Variants in TEF observed in about 807,000 individuals in gnomAD.
TEF encodes thyrotroph embryonic factor.
In TEF, 3 loss-of-function variants were observed where a neutral mutation model predicts 20.8. That is an observed-to-expected ratio of 0.14 (90% confidence interval 0.07 to 0.37). The LOEUF is 0.37. TEF is among the 10% of genes least tolerant of loss of function. The pLI is 1.00. For missense variants in TEF, 296 were observed against 397.9 expected, an observed-to-expected ratio of 0.74 and a Z score of 2.18; for synonymous variants, 180 against 171.1, an observed-to-expected ratio of 1.05 and a Z score of -0.41.
rs1022821122 is a variant in TEF at position 41,396,923 on chromosome 22, T to A, written c.*963T>A. The A allele has an allele frequency of 1.5e-5, 6 of 398,590 alleles. No individual in the cohort carries two copies. The highest frequency in any genetic ancestry group is 2.7e-5 in the Non-Finnish European group (6 of 226,094). The allele number at this position is 398,590 out of a possible 1,614,324, so 24.7% of individuals were successfully genotyped here. ...TTCCTAGTGGTGTTTAGAAAATGCC[T>A]CCACAGCCCCCTTCCACCATGGGCA... On this transcript the variant is annotated 3_prime_UTR_variant, in exon 4 of 4. Transcript: ENST00000266304.
rs150474885 is a variant in TEF at position 41,374,388 on chromosome 22, A to C, written c.67+6789A>C. Among the ~76,000 whole-genome samples the C allele has an allele frequency of 8.3e-3, 1,259 of 152,120 alleles. 13 individuals carry two copies. The highest frequency in any genetic ancestry group is 0.029 in the African/African-American group (1,195 of 41,502). ...ACATGGTGCAACCCTGTCTCTACTG[A>C]AAATACAAAAAAAATTAGCCGGGCG... On this transcript the variant is annotated intron_variant, in intron 1 of 3. Transcript: ENST00000406644.
intron 1 of TEF, among the ~76,000 whole-genome samples, chr22:41,382,693 G>A (rs931169214): frequency 6.6e-6 from 1 of 152,134 alleles, no homozygotes; most frequent in African/African-American, 2.4e-5. Context: ...ACCCCTCCCG[G>A]AGGGACCTGG....
Position 41,381,988 on chromosome 22 carries a change from GC to G in TEF, c.-54del, listed in dbSNP as rs1240857099. 3 of 1,228,890 alleles carry G rather than the reference GC, an allele frequency of 2.4e-6. No homozygotes were observed. Among genetic ancestry groups the G allele is most frequent in the Non-Finnish European group, 3.0e-6 (3 of 986,208 alleles). The allele number at this position is 1,228,890 out of a possible 1,614,324, so 76.1% of individuals were successfully genotyped here. On this transcript the variant is annotated 5_prime_UTR_variant, in exon 1 of 4. Transcript: ENST00000266304. The stretch of plus-strand genomic sequence containing the variant: ...AGCTGCAGCGGGTCGCACGGCTCCG[GC>G]CCATCTCGGGGGGCGGGCGGGGGAG...
At chr22:41,367,704 G>A (rs1601807289) in intron 1 of TEF, 11 of 1,172,020 alleles carry the variant, frequency 9.4e-6, no homozygotes, top group South Asian at 5.8e-5. Flanking sequence ...AGCCAGGGAG[G>A]GTCTCAGCAG....
In TEF at chr22:41,382,071, G is replaced by A; in HGVS notation, c.27G>A (p.Lys9=). 1 of 1,231,658 alleles carries A rather than the reference G, an allele frequency of 8.1e-7. No individual in the cohort carries two copies. The highest frequency in any genetic ancestry group is 1.0e-6 in the Non-Finnish European group (1 of 987,762). 76.3% of individuals were successfully genotyped at this position (1,231,658 alleles called of 1,614,324 possible). Residue 9 remains lysine, a synonymous_variant, in exon 1 of 4, where the codon AAG becomes AAA. Coordinates refer to ENST00000266304, the MANE Select transcript of TEF (RefSeq NM_003216.4). The stretch of plus-strand genomic sequence containing the variant: ...TGTCCGACGCGGGCGGCGGAAAGAA[G>A]CCGCCTGTGGACCCGCAGGCAGGAC... The part of the protein sequence containing the change: MSDAGGGK[K]PPVDPQAGPG...
In TEF at chr22:41,387,351, A is replaced by G. The variant is rs1601821569; in HGVS notation, c.158A>G (p.Asp53Gly). 3 of 1,613,928 alleles carry G rather than the reference A, an allele frequency of 1.9e-6. No individual in the cohort carries two copies. Among genetic ancestry groups the G allele is most frequent in the East Asian group, 2.2e-5 (1 of 44,898 alleles). ...TTCATCGCAGATTTTGTTTCTGCAG[A>G]TAAGGAAAAGGGGAAGGAAAAGCTG... ...MENPPREARL[D>G]KEKGKEKLEE... Residue 53 changes from aspartate to glycine, a missense_variant and splice_region_variant, in exon 2 of 4, where the codon GAT becomes GGT. This residue lies in a region of TEF where 102 missense variants were observed against 80.1 expected (regional missense o/e 1.27). Transcript: ENST00000266304.
At chr22:41,367,547 G>C (rs1403290388) in exon 1 of TEF, 6 of 1,551,346 alleles carry the variant, frequency 3.9e-6, no homozygotes, top group Non-Finnish European at 5.2e-6. Context: ...ACATGCCTGA[G>C]GTCCTCAAGT....
At chr22:41,370,404 C>T (rs991727805) in intron 1 of TEF, among the ~76,000 whole-genome samples, 2 of 138,166 alleles carry the variant, frequency 1.4e-5, no homozygotes, top group South Asian at 5.0e-4. Context: ...TAAACCACTG[C>T]GCCTGGCATT....
chr22:41,382,674 C>G (rs1473670185), intron 1 of TEF, among the ~76,000 whole-genome samples: 1 of 152,076 alleles, frequency 6.6e-6, no homozygotes. Context: ...TGTCATCGTA[C>G]GTGGCCTTAC....
At chr22:41,380,528 C>T (rs1159254659), upstream of TEF, among the ~76,000 whole-genome samples, 4 of 152,168 alleles carry the variant, frequency 2.6e-5, no homozygotes, top group Non-Finnish European at 5.9e-5. Context: ...CATCTACCCC[C>T]TGAACCAAGG....
chr22:41,390,593 G>T (rs547904652), intron 2 of TEF, among the ~76,000 whole-genome samples: 1 of 136,978 alleles, frequency 7.3e-6, no homozygotes, highest in Non-Finnish European at 1.5e-5. Flanking sequence ...CCTCCGCCTC[G>T]CAGGTTCAAG....
At chr22:41,387,715 G>A (rs780965161) in intron 2 of TEF, 47 bp downstream of exon 2, 9 of 1,542,562 alleles carry the variant, frequency 5.8e-6, no homozygotes, top group Non-Finnish European at 7.0e-6. Context: ...ATCCAGGGAA[G>A]TCCATTTCCC....
chr22:41,390,007 C>G (rs895246658), intron 2 of TEF, among the ~76,000 whole-genome samples: 13 of 151,614 alleles, frequency 8.6e-5, no homozygotes. Flanking sequence ...TTAAGCGATT[C>G]TCCTGCCTCA....
At position 41,399,186 on chromosome 22, in the gene TEF, G is replaced by A. The variant is rs1181150658; in HGVS notation, c.*3226G>A. Reference sequence around the variant, plus strand: ...AATTCCTTCTTCCCAGCCAGAGAGGGCAGAAGCAGACCGTAGCCCATTGGC... The same window carrying A: ...AATTCCTTCTTCCCAGCCAGAGAGGACAGAAGCAGACCGTAGCCCATTGGC... On this transcript the variant is annotated 3_prime_UTR_variant, in exon 4 of 4. Coordinates refer to ENST00000266304, the MANE Select transcript of TEF (RefSeq NM_003216.4). 2.6e-5 allele frequency: 4 copies of A among 152,690 alleles called. No individual in the cohort carries two copies. The highest frequency in any genetic ancestry group is 9.7e-5 in the African/African-American group (4 of 41,446). The allele number at this position is 152,690 out of a possible 1,614,324, so 9.5% of individuals were successfully genotyped here. A position where few individuals can be genotyped will look rare whatever the true frequency, so the allele number is the denominator to read the frequency against.
intron 1 of TEF, among the ~76,000 whole-genome samples, chr22:41,367,921 T>C (rs2036839846): frequency 6.6e-6 from 1 of 152,086 alleles, no homozygotes; most frequent in East Asian, 1.9e-4. Flanking sequence ...TGACTGCTTT[T>C]GAAGCTCCCT....
At chr22:41,382,264 T>C (rs1189681550) in intron 1 of TEF, 63 bp downstream of exon 1, 6 of 803,568 alleles carry the variant, frequency 7.5e-6, no homozygotes, top group Non-Finnish European at 8.9e-6. Flanking sequence ...CGGGGCCTCG[T>C]GAGGGCGGGG....
At chr22:41,391,703 A>T (rs568402896) in intron 2 of TEF, among the ~76,000 whole-genome samples, 1 of 151,680 alleles carries the variant, frequency 6.6e-6, no homozygotes, top group Non-Finnish European at 1.5e-5. Context: ...GCTCACTGCA[A>T]TCTCTGCCTA....
intron 2 of TEF, among the ~76,000 whole-genome samples, chr22:41,391,482 C>G (rs1387122373): frequency 1.3e-5 from 2 of 151,634 alleles, no homozygotes; most frequent in Non-Finnish European, 2.9e-5. Flanking sequence ...CGGCCGGCTA[C>G]TTTTTGTATT....
chr22:41,381,543 G>C (rs905997504), upstream of TEF, among the ~76,000 whole-genome samples: 1 of 152,162 alleles, frequency 6.6e-6, no homozygotes, highest in African/African-American at 2.4e-5. Context: ...GTGGCGCGTC[G>C]GGAAGGTTGC....
Sources: allele counts gnomAD v4.1 joint callset (sites outside exome capture counted in the v4.1 genomes callset), GRCh38; gene constraint gnomAD v4.1.1; regional missense constraint gnomAD v4.1.1; transcripts MANE v1.5; gene names NCBI Gene and HGNC (gene_info 2026-07-23, HGNC 2026-07-21).